The following SLC39A8 variants were observed in gnomAD, a reference collection of about 807,000 sequenced individuals.
The protein encoded by SLC39A8 is metal cation symporter ZIP8.
In SLC39A8, 15 loss-of-function variants were observed where a neutral mutation model predicts 40.4. The ratio of observed to expected loss-of-function variants is 0.37; its 90% confidence interval spans 0.25 to 0.57. The LOEUF (loss-of-function observed/expected upper bound fraction) is 0.57, where lower values mean the gene tolerates loss of function less well. SLC39A8 is among the 20% of genes least tolerant of loss of function. The probability of loss-of-function intolerance (pLI) is 0.75; values close to 1 mark genes in which losing one functional copy is unlikely to be tolerated. For missense variants in SLC39A8, 472 were observed against 558.8 expected (o/e 0.84, Z 1.57); for synonymous variants, 223 against 221.6 (o/e 1.01, Z -0.06).
At chr4:102,342,138 A>G (rs1438745110) in intron 2 of SLC39A8, among the ~76,000 whole-genome samples, 3 of 152,198 alleles carry the variant, frequency 2.0e-5, no homozygotes, top group African/African-American at 7.2e-5. Context: ...CAGCAAATCA[A>G]TGGATTCTTT....
At chr4:102,299,075 G>T (rs762524597) in intron 6 of SLC39A8, among the ~76,000 whole-genome samples, 4 of 151,994 alleles carry the variant, frequency 2.6e-5, no homozygotes, top group South Asian at 2.1e-4. Flanking sequence ...GAAGACAGTT[G>T]GGAAGTACAG....
chr4:102,264,209 G>A (rs1731991143), intron 8 of SLC39A8, among the ~76,000 whole-genome samples: 1 of 152,160 alleles, frequency 6.6e-6, no homozygotes, highest in African/African-American at 2.4e-5. Context: ...GATATGATTT[G>A]TAAGTCAAAA....
intron 2 of SLC39A8, among the ~76,000 whole-genome samples, chr4:102,335,373 C>T (rs982200351): frequency 4.6e-5 from 7 of 152,160 alleles, no homozygotes; most frequent in Non-Finnish European, 5.9e-5. Flanking sequence ...TGAAGAGATA[C>T]ATCTCTCACT....
At chr4:102,315,416 G>T (rs574684279) in intron 3 of SLC39A8, among the ~76,000 whole-genome samples, 12 of 152,030 alleles carry the variant, frequency 7.9e-5, no homozygotes, top group African/African-American at 2.7e-4. Context: ...TTAAAATCAA[G>T]AACTGGATTT....
downstream of SLC39A8, chr4:102,259,346 ATACTGTTG>A: frequency 1.4e-6 from 1 of 723,596 alleles, no homozygotes; most frequent in South Asian, 2.0e-5. Context: ...CAGTTGGTCT[ATACTGTTG>A]TGGGAATAAC....
At chr4:102,310,594 G>A (rs1578601357) in intron 3 of SLC39A8, among the ~76,000 whole-genome samples, 1 of 152,070 alleles carries the variant, frequency 6.6e-6, no homozygotes, top group South Asian at 2.1e-4. Context: ...CAACTTGGGG[G>A]ATGGTGGGAG....
downstream of SLC39A8, among the ~76,000 whole-genome samples, chr4:102,258,104 G>GTTTTTTTTTTTTTTTTTTTTT (rs752860248): frequency 6.8e-6 from 1 of 146,134 alleles, no homozygotes; most frequent in African/African-American, 2.7e-5. Flanking sequence ...AGTGTTTTTT[G>GTTTTTTTTTTTTTTTTTTTTT]TTTTTTGTTT....
chr4:102,254,535 C>G (rs1731667528), intron 11 of SLC39A8, among the ~76,000 whole-genome samples: 1 of 152,132 alleles, frequency 6.6e-6, no homozygotes, highest in Non-Finnish European at 1.5e-5. Flanking sequence ...CAACACTAAC[C>G]TAGATATTAT....
chr4:102,258,337 T>G (rs1228525061), downstream of SLC39A8, among the ~76,000 whole-genome samples: 1 of 152,086 alleles, frequency 6.6e-6, no homozygotes, highest in African/African-American at 2.4e-5. Context: ...AACTTTTAAT[T>G]TTATTCCTCA....
At chr4:102,277,524 G>C (rs965749221) in intron 6 of SLC39A8, among the ~76,000 whole-genome samples, 12 of 152,044 alleles carry the variant, frequency 7.9e-5, no homozygotes, top group African/African-American at 2.9e-4. Context: ...CCATGCTCAT[G>C]GATAAAAAGA....
At chr4:102,297,335 T>G (rs1352012746) in intron 6 of SLC39A8, among the ~76,000 whole-genome samples, 1 of 152,134 alleles carries the variant, frequency 6.6e-6, no homozygotes, top group African/African-American at 2.4e-5. Context: ...CCTTACCTTC[T>G]CTGTACATCA....
chr4:102,335,473 G>A (rs879868968), intron 2 of SLC39A8, among the ~76,000 whole-genome samples: 5 of 151,978 alleles, frequency 3.3e-5, no homozygotes, highest in African/African-American at 7.3e-5. Flanking sequence ...TGGATTCTTC[G>A]GCTTGCAAAA....
chr4:102,267,557 T>C lies in SLC39A8; in HGVS notation c.1166A>G (p.Asn389Ser), dbSNP rs146759817. The C allele has an allele frequency of 3.2e-4, 521 of 1,613,920 alleles. No homozygotes were observed. The highest frequency in any genetic ancestry group is 9.9e-4 in the Middle Eastern group (6 of 6,060). ...GLAFGILVGN[N>S]FAPNIIFALA... ...TGCAAATATAATATTTGGAGCGAAA[T>C]TGTTGCCCACCAAAATGCCAAAAGC... The change falls in exon 8 of 9, where the codon AAT becomes AGT. Residue 389 changes from asparagine (N) to serine (S), a missense_variant. By Grantham distance (46) the Asn-to-Ser change is conservative. This residue lies in a region of SLC39A8 where 239 missense variants were observed against 317.9 expected (regional missense o/e 0.75). Transcript: ENST00000356736.
chr4:102,298,531 TTAAC>T (rs1231468557), intron 6 of SLC39A8, among the ~76,000 whole-genome samples: 2 of 152,086 alleles, frequency 1.3e-5, no homozygotes, highest in South Asian at 2.1e-4. Flanking sequence ...ATAGGGGAAA[TTAAC>T]TAATTTCTGT....
intron 11 of SLC39A8, chr4:102,253,456 G>C (rs1013005004): frequency 1.4e-6 from 1 of 713,762 alleles, no homozygotes; most frequent in Middle Eastern, 2.3e-4. Flanking sequence ...AAGGAACATA[G>C]TAAAGTTTTA....
chr4:102,275,510 CTT>C (rs1732578393), intron 6 of SLC39A8, among the ~76,000 whole-genome samples: 1 of 152,114 alleles, frequency 6.6e-6, no homozygotes, highest in Admixed American at 6.5e-5. Context: ...TATAAAGAGA[CTT>C]AGACTCCCAC....
At chr4:102,329,826 C>T (rs1288908920) in intron 2 of SLC39A8, among the ~76,000 whole-genome samples, 2 of 152,126 alleles carry the variant, frequency 1.3e-5, no homozygotes, top group African/African-American at 4.8e-5. Context: ...TCATAACAAA[C>T]TGTCTCTCCC....
At chr4:102,341,301 G>A (rs1025434805) in intron 2 of SLC39A8, among the ~76,000 whole-genome samples, 3 of 152,104 alleles carry the variant, frequency 2.0e-5, no homozygotes, top group Non-Finnish European at 4.4e-5. Flanking sequence ...TAGAAAATAG[G>A]ATCTTCCTTT....
At chr4:102,260,246 TACCTGAGACAGCCG>T (rs1731810094), downstream of SLC39A8, among the ~76,000 whole-genome samples, 1 of 152,230 alleles carries the variant, frequency 6.6e-6, no homozygotes. Flanking sequence ...AGCCTGTCTG[TACCTGAGACAGCCG>T]ATATCCAGTC....
Sources: gnomAD v4.1 joint callset for allele counts (sites outside exome capture counted in the v4.1 genomes callset) on GRCh38, gnomAD v4.1.1 for gene constraint, gnomAD v4.1.1 regional missense constraint, MANE v1.5 for transcripts, NCBI Gene and HGNC (gene_info 2026-07-23, HGNC 2026-07-21) for gene names.